Variants in FARS2 observed in about 807,000 individuals in gnomAD.
FARS2 encodes phenylalanyl-tRNA synthetase 2, mitochondrial.
FARS2 carries 40 observed loss-of-function variants against 46.4 expected under a neutral mutation model. The ratio of observed to expected loss-of-function variants is 0.86; its 90% CI spans 0.67 to 1.12. The LOEUF (loss-of-function observed/expected upper bound fraction) is 1.12, where lower values mean the gene tolerates loss of function less well. Among genes scored for constraint, FARS2 ranks in the 50% most tolerant of loss-of-function variants. The probability of loss-of-function intolerance (pLI) is 0.00; values close to 1 mark genes in which losing one functional copy is unlikely to be tolerated. For missense variants in FARS2, 513 were observed against 567.9 expected, an observed-to-expected ratio of 0.90 and a Z score of 0.98; for synonymous variants, 234 against 214.9, an observed-to-expected ratio of 1.09 and a Z score of -0.78.
At chr6:5,643,703 C>G (rs930328581) in intron 6 of FARS2, among the ~76,000 whole-genome samples, 1 of 152,156 alleles carries the variant, frequency 6.6e-6, no homozygotes, top group Non-Finnish European at 1.5e-5. Context: ...GACCAGACTT[C>G]CCAGTGGTTT....
chr6:5,425,738 C>T (rs922847696), intron 3 of FARS2, among the ~76,000 whole-genome samples: 1 of 152,218 alleles, frequency 6.6e-6, no homozygotes, highest in Non-Finnish European at 1.5e-5. Context: ...TTTCTGAAGT[C>T]CCACTTGAGT....
chr6:5,421,456 C>A (rs1762544642), intron 3 of FARS2, among the ~76,000 whole-genome samples: 1 of 152,200 alleles, frequency 6.6e-6, no homozygotes, highest in Admixed American at 6.5e-5. Flanking sequence ...GTTACTTATG[C>A]CAATTTCTGC....
intron 4 of FARS2, among the ~76,000 whole-genome samples, chr6:5,434,585 C>T (rs1763412370): frequency 6.6e-6 from 1 of 152,186 alleles, no homozygotes; most frequent in Non-Finnish European, 1.5e-5. Context: ...TAGTTAAAAT[C>T]TGTAAACTGC....
chr6:5,533,829 C>T (rs1582378046), intron 4 of FARS2, among the ~76,000 whole-genome samples: 1 of 152,166 alleles, frequency 6.6e-6, no homozygotes, highest in Admixed American at 6.5e-5. Flanking sequence ...AGGGGTGTGA[C>T]ATTGAATGTA....
At chr6:5,751,555 C>T (rs1582880124) in intron 6 of FARS2, among the ~76,000 whole-genome samples, 1 of 152,280 alleles carries the variant, frequency 6.6e-6, no homozygotes, top group Non-Finnish European at 1.5e-5. Flanking sequence ...AGTAGAATAT[C>T]TCCTCCCTCT....
At chr6:5,605,617 A>G (rs1774789191) in intron 5 of FARS2, among the ~76,000 whole-genome samples, 2 of 152,250 alleles carry the variant, frequency 1.3e-5, no homozygotes, top group African/African-American at 2.4e-5. Flanking sequence ...ATTATCTCCC[A>G]TGCAGGCCAA....
chr6:5,768,368 C>A (rs75935823), intron 6 of FARS2, among the ~76,000 whole-genome samples: 2 of 152,142 alleles, frequency 1.3e-5, no homozygotes, highest in Admixed American at 1.3e-4. Context: ...TTGTTTGAAT[C>A]CCAAGAATCC....
At chr6:5,491,870 A>C (rs1192204875) in intron 4 of FARS2, among the ~76,000 whole-genome samples, 1 of 152,212 alleles carries the variant, frequency 6.6e-6, no homozygotes, top group Non-Finnish European at 1.5e-5. Flanking sequence ...TCAAATTAGC[A>C]GAATTTTCAT....
chr6:5,587,714 G>A (rs1773694496), intron 5 of FARS2, among the ~76,000 whole-genome samples: 1 of 152,144 alleles, frequency 6.6e-6, no homozygotes, highest in South Asian at 2.1e-4. Flanking sequence ...CTTTTAAAGA[G>A]AGCATCTGTT....
intron 6 of FARS2, among the ~76,000 whole-genome samples, chr6:5,714,534 CA>C (rs1759380606): frequency 6.6e-6 from 1 of 152,030 alleles, no homozygotes; most frequent in Non-Finnish European, 1.5e-5. Flanking sequence ...ACAGAGAAAA[CA>C]AACTTATTAA....
intron 6 of FARS2, among the ~76,000 whole-genome samples, chr6:5,616,010 TAAAA>T (rs11327256): frequency 2.7e-3 from 259 of 95,838 alleles, no homozygotes; most frequent in African/African-American, 9.6e-3. Flanking sequence ...CCATAGCTCT[TAAAA>T]AAAAAAAAAA....
chr6:5,684,149 C>A (rs1018896851), intron 6 of FARS2, among the ~76,000 whole-genome samples: 1 of 152,128 alleles, frequency 6.6e-6, no homozygotes, highest in Admixed American at 6.5e-5. Context: ...CTTTGTCAAC[C>A]GCTTAAAGCC....
At chr6:5,543,539 A>G (rs1770763419) in intron 4 of FARS2, among the ~76,000 whole-genome samples, 1 of 151,796 alleles carries the variant, frequency 6.6e-6, no homozygotes, top group Non-Finnish European at 1.5e-5. Flanking sequence ...TAAATTTTGT[A>G]CTTTTGGTAG....
chr6:5,656,272 T>A (rs1777603258), intron 6 of FARS2, among the ~76,000 whole-genome samples: 1 of 152,224 alleles, frequency 6.6e-6, no homozygotes, highest in African/African-American at 2.4e-5. Flanking sequence ...GTGGAAGCCT[T>A]GACCTCCTCT....
rs1301266159 is a variant in FARS2 at position 5,354,890 on chromosome 6, GC to G, written c.-21-13656del. Reference sequence around the variant, plus strand: ...ATTAAGGTACAGACTGATGTGCCCTGCCCCAGAGTTCCTATTTTTTGGGTCT... The same window carrying G: ...ATTAAGGTACAGACTGATGTGCCCTGCCCAGAGTTCCTATTTTTTGGGTCT... On this transcript the variant is annotated intron_variant, in intron 1 of 6. Coordinates refer to ENST00000274680, the MANE Select transcript of FARS2 (RefSeq NM_006567.5). Among the ~76,000 whole-genome samples the G allele has an allele frequency of 3.3e-5, 5 of 152,216 alleles. No individual in the cohort carries two copies. The East Asian group carries it at 9.7e-4, about 29-fold the overall frequency.
intron 4 of FARS2, among the ~76,000 whole-genome samples, chr6:5,458,796 C>T (rs113113104): frequency 0.019 from 2,855 of 152,250 alleles, 42 homozygotes; most frequent in Admixed American, 0.037. Flanking sequence ...TTACAGTGTT[C>T]ACAAACATGC....
intron 6 of FARS2, among the ~76,000 whole-genome samples, chr6:5,648,533 G>A (rs1433024878): frequency 6.6e-6 from 1 of 152,192 alleles, no homozygotes; most frequent in African/African-American, 2.4e-5. Flanking sequence ...GAGGAAACCA[G>A]GGTGTTTGGA....
At chr6:5,431,572 G>A in intron 4 of FARS2, 1 of 490,574 alleles carries the variant, frequency 2.0e-6, no homozygotes. Context: ...ACTTAGTATA[G>A]TGTCCCAAAT....
rs398000284 is a variant in FARS2, at chr6:5,405,480, C to CTTTTTTTT, written c.772+797_772+804dup. Among the ~76,000 whole-genome samples the CTTTTTTTT allele has an allele frequency of 7.2e-3, 424 of 58,942 alleles. 81 individuals carry two copies. The highest frequency in any genetic ancestry group is 0.026 in the African/African-American group (399 of 15,390). The allele number at this position is 58,942 out of a possible 152,430, so 38.7% of individuals were successfully genotyped here. A position where few individuals can be genotyped will look rare whatever the true frequency, so the allele number is the denominator to read the frequency against. On this transcript the variant is annotated intron_variant, in intron 3 of 6. Coordinates refer to ENST00000274680, the MANE Select transcript of FARS2 (RefSeq NM_006567.5). ...AGGACGTGATCAGTGGAGCAAGGTT[C>CTTTTTTTT]TTTTTTTTTTTTTTTTTTTTTTTTT...
Sources: allele counts gnomAD v4.1 joint callset (sites outside exome capture counted in the v4.1 genomes callset), GRCh38; gene constraint gnomAD v4.1.1; transcripts MANE v1.5; gene names NCBI Gene and HGNC (gene_info 2026-07-23, HGNC 2026-07-21).